Variants in HGS observed in about 807,000 individuals in gnomAD.
The protein encoded by HGS is human growth factor-regulated tyrosine kinase substrate.
A neutral mutation model predicts 109.7 loss-of-function variants in HGS; 63 were observed. The observed-to-expected ratio is 0.57, with a 90% CI of 0.47 to 0.71. The LOEUF (loss-of-function observed/expected upper bound fraction) is 0.71. HGS is among the 30% of genes least tolerant of loss of function. The pLI is 0.00. For missense variants in HGS, 995 were observed against 1,068.3 expected, an observed-to-expected ratio of 0.93 and a Z score of 0.96; for synonymous variants, 546 against 437.3, an observed-to-expected ratio of 1.25 and a Z score of -3.10.
chr17:81,684,030 G>A lies in HGS; in HGVS notation c.-37G>A, dbSNP rs750256484. ...GGGGGCGCGCCAGCTCGTAGCAGGG[G>A]AGCGCCCGCGGCGTCGGGTTTGGGC... On this transcript the variant is annotated 5_prime_UTR_variant, in exon 1 of 22. Coordinates refer to ENST00000329138, the MANE Select transcript of HGS (RefSeq NM_004712.5). The A allele has an allele frequency of 2.5e-6, 4 of 1,578,336 alleles. No homozygotes were observed. Among genetic ancestry groups the A allele is most frequent in the Non-Finnish European group, 3.4e-6 (4 of 1,165,944 alleles).
rs1015275055 is a variant in HGS, at chr17:81,688,564, G to A, written c.292-140G>A. ...GAACAGGTTGGTGCATGGCCCCCAC[G>A]CCCCACTCGGGGGGCCCTCCCTGGC... On this transcript the variant is annotated intron_variant, in intron 4 of 21. Coordinates refer to ENST00000329138, the MANE Select transcript of HGS (RefSeq NM_004712.5). The A allele has an allele frequency of 1.1e-5, 11 of 1,009,524 alleles. No homozygotes were observed. In the African/African-American group the frequency reaches 1.6e-4, roughly 15 times the overall value. 62.5% of individuals were successfully genotyped at this position (1,009,524 alleles called of 1,614,324 possible).
chr17:81,694,833 G>A lies in HGS; in HGVS notation c.955G>A (p.Ala319Thr), dbSNP rs935114414. 5 of 1,614,246 alleles carry A rather than the reference G, an allele frequency of 3.1e-6. No individual in the cohort carries two copies. The highest frequency in any genetic ancestry group is 3.3e-5 in the Admixed American group (2 of 60,032). The change falls in exon 12 of 22, where the codon GCT becomes ACT. Residue 319 changes from alanine (A) to threonine (T), a missense_variant. Transcript: ENST00000329138. ...TCCCCAGAACTCGTCGGCGCCTCTG[G>A]CTGAGGACATCGACCCTGAGGTAAG... Reference protein sequence around the residue: ...SSPVNSSAPLAEDIDPELARY... With the variant: ...SSPVNSSAPLTEDIDPELARY...
chr17:81,687,247 C>T (rs1598743811), intron 4 of HGS, 152 bp downstream of exon 4: 3 of 640,036 alleles, frequency 4.7e-6, no homozygotes, highest in East Asian at 2.8e-5. Flanking sequence ...AGCTCGCACT[C>T]ATGAGTCGGA....
At position 81,695,972 on chromosome 17, in the gene HGS, C is replaced by G. The variant is rs1181383527; in HGVS notation, c.1366C>G (p.Leu456Val). Residue 456 changes from leucine to valine, a missense_variant, in exon 15 of 22, where the codon CTG becomes GTG. Around this residue, in one of 6 missense-constraint regions of HGS, gnomAD observed 163 missense variants for 217.8 expected, o/e 0.75. Transcript: ENST00000329138. Reference sequence around the variant, plus strand: ...CGGCATGCACCCGCAGCTGCTGGAGCTGCTCAACCAGCTGGACGAGCGCAG... The same window carrying G: ...CGGCATGCACCCGCAGCTGCTGGAGGTGCTCAACCAGCTGGACGAGCGCAG... ...INGMHPQLLELLNQLDERRLY... is the reference protein window; with the variant it reads ...INGMHPQLLEVLNQLDERRLY... 2 of 1,566,966 alleles carry G rather than the reference C, an allele frequency of 1.3e-6. No homozygotes were observed. The highest frequency in any genetic ancestry group is 4.5e-5 in the East Asian group (2 of 44,328).
In HGS at chr17:81,695,779, C is replaced by T. The variant is rs761256953; in HGVS notation, c.1180-7C>T. On this transcript the variant is annotated splice_polypyrimidine_tract_variant and splice_region_variant and intron_variant, in intron 14 of 21. Coordinates refer to ENST00000329138, the MANE Select transcript of HGS (RefSeq NM_004712.5). ...CGCACTCATCCAGAACCCTGCTCTG[C>T]CTGCAGCCACAGTTCCACAATGGCG... 6.2e-7 allele frequency: 1 copy of T among 1,612,844 alleles called. No homozygotes were observed. The highest frequency in any genetic ancestry group is 1.1e-5 in the South Asian group (1 of 91,084).
At chr17:81,701,239 C>G in intron 21 of HGS, 108 bp downstream of exon 21, 1 of 1,045,518 alleles carries the variant, frequency 9.6e-7, no homozygotes, top group South Asian at 1.3e-5. Flanking sequence ...TACGTCTGCT[C>G]ACAGGGGGAG....
chr17:81,687,732 A>G (rs1429096542), intron 4 of HGS, among the ~76,000 whole-genome samples: 2 of 152,192 alleles, frequency 1.3e-5, no homozygotes, highest in African/African-American at 4.8e-5. Flanking sequence ...GCAGGTGTCA[A>G]GGAGAAAGAG....
At chr17:81,694,407 G>C (rs1210017259) in intron 11 of HGS, among the ~76,000 whole-genome samples, 1 of 152,224 alleles carries the variant, frequency 6.6e-6, no homozygotes, top group Middle Eastern at 3.2e-3. Flanking sequence ...CCGTGGAGTG[G>C]CCAGGCCGCT....
rs2036990178 is a variant in HGS, at chr17:81,687,047, T to C, written c.243T>C (p.Asp81=). The C allele has an allele frequency of 6.2e-7, 1 of 1,613,432 alleles. No individual in the cohort carries two copies. The change falls in exon 4 of 22, where the codon GAT becomes GAC. Residue 81 remains aspartate, a synonymous_variant. Transcript: ENST00000329138. ...VVKNCGQTVH[D]EVANKQTMEE... is the part of the protein sequence containing the mutation. Reference sequence around the variant, plus strand: ...AGAACTGTGGCCAGACAGTTCATGATGAGGTGGCCAACAAGCAGACCATGG... The same window carrying C: ...AGAACTGTGGCCAGACAGTTCATGACGAGGTGGCCAACAAGCAGACCATGG...
At chr17:81,687,172 G>A in intron 4 of HGS, 77 bp downstream of exon 4, 1 of 949,084 alleles carries the variant, frequency 1.1e-6, no homozygotes, top group Non-Finnish European at 1.7e-6. Context: ...GGGCACTGAT[G>A]ACAGAACAGC....
intron 3 of HGS, 49 bp from the exon 4 acceptor site, chr17:81,686,954 G>T (rs754736304): frequency 3.0e-5 from 45 of 1,491,960 alleles, no homozygotes; most frequent in Middle Eastern, 3.4e-4. Flanking sequence ...AGGAGGAGGG[G>T]CCCTGCCCTG....
In HGS at chr17:81,688,647, G is replaced by A. The variant is rs1014147371; in HGVS notation, c.292-57G>A. The A allele has an allele frequency of 2.4e-5, 39 of 1,601,814 alleles. No individual in the cohort carries two copies. The African/African-American group carries it at 3.0e-4, about 12-fold the overall frequency. ...GGTCTGCCAGCTGCTTCCTCACACCGAGGCCTCTGGCGCCTGGAGTGTCCT... is the reference window on the plus strand; with the variant it reads ...GGTCTGCCAGCTGCTTCCTCACACCAAGGCCTCTGGCGCCTGGAGTGTCCT... On this transcript the variant is annotated intron_variant, in intron 4 of 21. Coordinates refer to ENST00000329138, the MANE Select transcript of HGS (RefSeq NM_004712.5).
intron 2 of HGS, 45 bp from the exon 3 acceptor site, chr17:81,686,267 T>A (rs374471960): frequency 1.6e-4 from 250 of 1,517,892 alleles, no homozygotes; most frequent in Non-Finnish European, 2.0e-4. Context: ...GCTGAGACTA[T>A]TTTTTTCCCG....
chr17:81,694,906 C>A lies in HGS; in HGVS notation c.976-18C>A. On this transcript the variant is annotated intron_variant, in intron 12 of 21. Transcript: ENST00000329138. ...TCACGGTTTCTGGCCTTGGGAGTGA[C>A]CCCCTCATTGCCTGCAGCTCGCACG... 3.1e-6 allele frequency: 5 copies of A among 1,614,212 alleles called. No homozygotes were observed. The highest frequency in any genetic ancestry group is 1.3e-5 in the African/African-American group (1 of 75,060).
At chr17:81,696,556 G>A (rs545607844) in intron 16 of HGS, 27 bp downstream of exon 16, 53 of 1,545,656 alleles carry the variant, frequency 3.4e-5, no homozygotes, top group East Asian at 4.6e-5. Context: ...GCCACAGGCC[G>A]GGGCCGGCTG....
intron 18 of HGS, chr17:81,698,254 A>G (rs117174633): frequency 0.069 from 10,467 of 152,252 alleles, 433 homozygotes; most frequent in East Asian, 0.22. Context: ...CCGAGGTTGC[A>G]CCACCACACT....
intron 8 of HGS, chr17:81,692,319 A>G (rs984897108): frequency 6.6e-6 from 1 of 151,874 alleles, no homozygotes; most frequent in African/African-American, 2.4e-5. Flanking sequence ...CTCCGTGGAC[A>G]TTTCTGGGAG....
At position 81,696,442 on chromosome 17, in the gene HGS, G is replaced by T; in HGVS notation, c.1479G>T (p.Glu493Asp). 1 of 1,558,154 alleles carries T rather than the reference G, an allele frequency of 6.4e-7. No homozygotes were observed. The change falls in exon 16 of 22, where the codon GAG becomes GAT. Residue 493 changes from glutamate to aspartate, a missense_variant. Physicochemically the swap from Glu to Asp is conservative, Grantham distance 45. Around this residue, in one of 6 missense-constraint regions of HGS, gnomAD observed 163 missense variants for 217.8 expected, o/e 0.75. Transcript: ENST00000329138. ...GTGCCCTGCGCGAAGAGCACCGGGA[G>T]AAGCTTCGCCGGGCAGCCGAGGAGG... is the stretch of plus-strand genomic sequence containing the variant. ...ALSALREEHREKLRRAAEEAE... is the reference protein window; with the variant it reads ...ALSALREEHRDKLRRAAEEAE...
At chr17:81,688,484 C>T (rs930355052) in intron 4 of HGS, among the ~76,000 whole-genome samples, 3 of 152,160 alleles carry the variant, frequency 2.0e-5, no homozygotes, top group South Asian at 4.1e-4. Context: ...AGAGACGCGG[C>T]GTTGTTTGGC....
Sources: gnomAD v4.1 joint callset for allele counts (sites outside exome capture counted in the v4.1 genomes callset) on GRCh38, gnomAD v4.1.1 for gene constraint, gnomAD v4.1.1 regional missense constraint, MANE v1.5 for transcripts, NCBI Gene and HGNC (gene_info 2026-07-23, HGNC 2026-07-21) for gene names.